Variants in RAB6A observed in about 807,000 individuals in gnomAD.
RAB6A encodes the protein ras-related protein Rab-6A.
In RAB6A, 8 loss-of-function variants were observed where a neutral mutation model predicts 32.3. The ratio of observed to expected loss-of-function variants is 0.25; its 90% CI spans 0.15 to 0.45. The LOEUF is 0.45. RAB6A is among the 20% of genes least tolerant of loss of function. The pLI, the probability that RAB6A is intolerant of heterozygous loss-of-function variation, is 1.00. For missense variants in RAB6A, 104 were observed against 249.4 expected (o/e 0.42, Z 3.93); for synonymous variants, 73 against 82.1 (o/e 0.89, Z 0.60).
intron 6 of RAB6A, among the ~76,000 whole-genome samples, chr11:73,689,052 G>A (rs1222232050): frequency 6.6e-6 from 1 of 152,046 alleles, no homozygotes; most frequent in Non-Finnish European, 1.5e-5. Context: ...GAGCCCAGAA[G>A]TTGAGGCTGT....
chr11:73,694,304 T>C (rs1945623437), intron 6 of RAB6A, among the ~76,000 whole-genome samples: 1 of 152,224 alleles, frequency 6.6e-6, no homozygotes, highest in Non-Finnish European at 1.5e-5. Context: ...TTTAATCCTC[T>C]TATTTGTGAG....
chr11:73,680,998 C>G lies in RAB6A; in HGVS notation c.496-1278G>C, dbSNP rs869383. ...TGTCCCAATCTTAGGCATACACCCACTGGGTACAACAGCCAGTGAAACTGC... is the reference window on the plus strand; with the variant it reads ...TGTCCCAATCTTAGGCATACACCCAGTGGGTACAACAGCCAGTGAAACTGC... On this transcript the variant is annotated intron_variant, in intron 6 of 7. Transcript: ENST00000336083. Among the ~76,000 whole-genome samples the G allele has an allele frequency of 5.1e-3, 782 of 152,298 alleles. 7 individuals are homozygous for G. The highest frequency in any genetic ancestry group is 0.018 in the African/African-American group (746 of 41,544).
Position 73,690,893 on chromosome 11 carries a change from T to TAA in RAB6A, c.496-11175_496-11174dup, listed in dbSNP as rs34825000. On this transcript the variant is annotated intron_variant, in intron 6 of 7. Coordinates refer to ENST00000336083, the MANE Select transcript of RAB6A (RefSeq NM_198896.2). ...TGCAGCTTCTTTTATTAGGAAACATTAAAAAAAAAAAACCCAAAACACGAA... is the reference window on the plus strand; with the variant it reads ...TGCAGCTTCTTTTATTAGGAAACATTAAAAAAAAAAAAAACCCAAAACACGAA... Among the ~76,000 whole-genome samples the TAA allele has an allele frequency of 3.6e-3, 512 of 143,354 alleles. 1 individual carries two copies. Among genetic ancestry groups the TAA allele is most frequent in the Middle Eastern group, 3.5e-3 (1 of 282 alleles). The allele number at this position is 143,354 out of a possible 152,430, so 94.0% of individuals were successfully genotyped here.
intron 1 of RAB6A, among the ~76,000 whole-genome samples, chr11:73,745,246 C>A (rs79659315): frequency 6.6e-6 from 1 of 152,124 alleles, no homozygotes; most frequent in Non-Finnish European, 1.5e-5. Flanking sequence ...CTGTATTTTT[C>A]TTGTTCATAG....
intron 1 of RAB6A, among the ~76,000 whole-genome samples, chr11:73,743,300 GTC>G (rs1946529711): frequency 7.9e-6 from 1 of 126,430 alleles, no homozygotes; most frequent in African/African-American, 2.9e-5. Flanking sequence ...GCGAAACTCT[GTC>G]TCAAAAAAAA....
chr11:73,696,769 G>T (rs1487801447), intron 6 of RAB6A, among the ~76,000 whole-genome samples: 2 of 150,868 alleles, frequency 1.3e-5, no homozygotes, highest in Non-Finnish European at 1.5e-5. Flanking sequence ...ACCATGCCTA[G>T]AATTTTTTTT....
rs182973441 is a variant in RAB6A at position 73,722,792 on chromosome 11, C to G, written c.130-1893G>C. On this transcript the variant is annotated intron_variant, in intron 2 of 7. Transcript: ENST00000336083. ...TTGCCCCATTTAGTTCTCATTTATT[C>G]GTTCATCGATTATTTATTTATTTAT... The G allele has an allele frequency of 1.4e-3, 214 of 151,998 alleles. 2 individuals are homozygous for G. Among genetic ancestry groups the G allele is most frequent in the African/African-American group, 5.1e-3 (210 of 41,470 alleles). The allele number at this position is 151,998 out of a possible 1,614,324, so 9.4% of individuals were successfully genotyped here. A position where few individuals can be genotyped will look rare whatever the true frequency, so the allele number is the denominator to read the frequency against.
At chr11:73,751,591 T>C (rs1314848846) in intron 1 of RAB6A, among the ~76,000 whole-genome samples, 1 of 152,164 alleles carries the variant, frequency 6.6e-6, no homozygotes, top group African/African-American at 2.4e-5. Flanking sequence ...CTCTCTTCTA[T>C]TCCCTCTTCT....
intron 6 of RAB6A, among the ~76,000 whole-genome samples, chr11:73,703,135 T>C (rs1291483911): frequency 6.6e-6 from 1 of 151,476 alleles, no homozygotes. Context: ...TTAAAAAAAA[T>C]TGGAAAAAAA....
At chr11:73,725,358 G>A (rs1459737588) in intron 2 of RAB6A, among the ~76,000 whole-genome samples, 3 of 152,024 alleles carry the variant, frequency 2.0e-5, no homozygotes, top group Non-Finnish European at 2.9e-5. Flanking sequence ...GAGATGACTG[G>A]GTTCATAACA....
Position 73,743,268 on chromosome 11 carries a change from G to A in RAB6A, c.71-12445C>T, listed in dbSNP as rs143987226. On this transcript the variant is annotated intron_variant, in intron 1 of 7. Coordinates refer to ENST00000336083, the MANE Select transcript of RAB6A (RefSeq NM_198896.2). ...TGCAATGACCCAAGATTGCGCCACC[G>A]CACTCCAGCCTGATCAACAGAGCGA... is the stretch of plus-strand genomic sequence containing the variant. Among the ~76,000 whole-genome samples, 974 of 141,274 alleles carry A rather than the reference G, an allele frequency of 6.9e-3. 13 individuals are homozygous for A. Among genetic ancestry groups the A allele is most frequent in the African/African-American group, 0.025 (930 of 37,778 alleles). The allele number at this position is 141,274 out of a possible 152,430, so 92.7% of individuals were successfully genotyped here.
At chr11:73,713,497 G>A (rs558140379) in intron 5 of RAB6A, among the ~76,000 whole-genome samples, 6 of 151,974 alleles carry the variant, frequency 3.9e-5, no homozygotes, top group East Asian at 1.9e-4. Flanking sequence ...GAACCCGGGA[G>A]GGGGAGCTTG....
chr11:73,728,891 G>A (rs1236095502), intron 2 of RAB6A, among the ~76,000 whole-genome samples: 1 of 151,846 alleles, frequency 6.6e-6, no homozygotes, highest in Non-Finnish European at 1.5e-5. Context: ...TCATAGAATT[G>A]ACCAATGAAA....
chr11:73,748,556 G>C (rs943408149), intron 1 of RAB6A, among the ~76,000 whole-genome samples: 1 of 152,062 alleles, frequency 6.6e-6, no homozygotes. Context: ...TGGTACAGAG[G>C]TTGGGAATGC....
intron 6 of RAB6A, among the ~76,000 whole-genome samples, chr11:73,704,971 C>T (rs964855947): frequency 3.3e-5 from 5 of 150,832 alleles, no homozygotes; most frequent in Admixed American, 1.3e-4. Flanking sequence ...ACTCCAGCCT[C>T]GATGACAGAG....
At chr11:73,728,140 G>T (rs1000292302) in intron 2 of RAB6A, among the ~76,000 whole-genome samples, 4 of 152,128 alleles carry the variant, frequency 2.6e-5, no homozygotes. Context: ...CAAAGTACTT[G>T]CTCTTAAGAT....
At chr11:73,703,415 T>C (rs1195588509) in intron 6 of RAB6A, among the ~76,000 whole-genome samples, 2 of 152,184 alleles carry the variant, frequency 1.3e-5, no homozygotes, top group African/African-American at 2.4e-5. Context: ...ATGGAGTTTG[T>C]TGTTTAGTGG....
intron 6 of RAB6A, among the ~76,000 whole-genome samples, chr11:73,699,165 T>C (rs1945702953): frequency 6.6e-6 from 1 of 151,250 alleles, no homozygotes; most frequent in South Asian, 2.1e-4. Flanking sequence ...TAATGCTGTT[T>C]TTTAAACAAA....
At chr11:73,687,973 G>C (rs536595705) in intron 6 of RAB6A, among the ~76,000 whole-genome samples, 1 of 152,322 alleles carries the variant, frequency 6.6e-6, no homozygotes, top group Non-Finnish European at 1.5e-5. Flanking sequence ...TAATACTACA[G>C]AAGAGATAGT....
Sources: allele counts gnomAD v4.1 joint callset (sites outside exome capture counted in the v4.1 genomes callset), GRCh38; gene constraint gnomAD v4.1.1; transcripts MANE v1.5; gene names NCBI Gene and HGNC (gene_info 2026-07-23, HGNC 2026-07-21).